Variants in HLCS observed in about 807,000 individuals in gnomAD.
The protein encoded by HLCS is holocarboxylase synthetase, also known as biotin--protein ligase.
Under a neutral mutation model 75.0 loss-of-function variants are expected in HLCS, and 53 were observed. That is an observed-to-expected ratio of 0.71 (90% CI 0.57 to 0.89). The LOEUF (loss-of-function observed/expected upper bound fraction) is 0.89, where lower values mean the gene tolerates loss of function less well. Ranked by LOEUF, HLCS falls within the 40% of genes least tolerant of loss-of-function variation. The pLI is 0.00. For missense variants in HLCS, 966 were observed against 1,074.0 expected, an observed-to-expected ratio of 0.90 and a Z score of 1.41; for synonymous variants, 431 against 428.6, an observed-to-expected ratio of 1.01 and a Z score of -0.07.
At chr21:36,917,577 C>T (rs367973997) in intron 5 of HLCS, among the ~76,000 whole-genome samples, 5 of 152,272 alleles carry the variant, frequency 3.3e-5, no homozygotes, top group East Asian at 1.9e-4. Flanking sequence ...CCAGTTCCTA[C>T]GTCATACCTG....
chr21:36,890,755 T>C (rs1472598269), intron 6 of HLCS, among the ~76,000 whole-genome samples: 1 of 152,194 alleles, frequency 6.6e-6, no homozygotes, highest in South Asian at 2.1e-4. Context: ...TCCTCCTAGA[T>C]GTGTAAACAC....
Position 36,936,936 on chromosome 21 carries a change from G to C in HLCS, c.950C>G (p.Ser317Cys), listed in dbSNP as rs752702810. 1.2e-5 allele frequency: 19 copies of C among 1,614,036 alleles called. No individual in the cohort carries two copies. The highest frequency in any genetic ancestry group is 2.7e-5 in the African/African-American group (2 of 74,924). Residue 317 changes from serine (S) to cysteine (C), a missense_variant, in exon 4 of 11, where the codon TCC becomes TGC. By Grantham distance (112) the Ser-to-Cys change is moderately radical. Transcript: ENST00000674895. ...CCGGCCGAGGGCTTCCTGGGAGTCG[G>C]AGCCCACATAGAGGAGGATGTTGGG... ...KAPNILLYVGSDSQEALGRFH... is the reference protein window; with the variant it reads ...KAPNILLYVGCDSQEALGRFH...
At chr21:36,765,237 A>G in intron 7 of HLCS, 65 bp from the exon 8 acceptor site, 3 of 1,448,450 alleles carry the variant, frequency 2.1e-6, no homozygotes, top group East Asian at 4.6e-5. Flanking sequence ...GACACACGTC[A>G]TGCCAGGGCC....
chr21:36,839,938 T>C (rs1195501241), intron 6 of HLCS, among the ~76,000 whole-genome samples: 1 of 152,250 alleles, frequency 6.6e-6, no homozygotes, highest in Non-Finnish European at 1.5e-5. Flanking sequence ...ATGTAGCTTA[T>C]AAATGGCCTA....
intron 4 of HLCS, among the ~76,000 whole-genome samples, chr21:36,931,774 T>C (rs1467136131): frequency 2.6e-5 from 4 of 151,550 alleles, no homozygotes; most frequent in Admixed American, 2.0e-4. Flanking sequence ...GAGAGAGAGT[T>C]TGCAGGAATT....
At chr21:36,798,087 G>C (rs902072817) in intron 6 of HLCS, among the ~76,000 whole-genome samples, 7 of 152,192 alleles carry the variant, frequency 4.6e-5, no homozygotes, top group African/African-American at 1.7e-4. Context: ...AAGCTACCTT[G>C]GCAAGGAACG....
intron 6 of HLCS, among the ~76,000 whole-genome samples, chr21:36,869,331 A>T (rs555203191): frequency 3.7e-4 from 56 of 152,084 alleles, no homozygotes; most frequent in African/African-American, 1.3e-3. Context: ...ACAGGGTTTC[A>T]CCGTGTTAGC....
At chr21:36,917,869 G>A (rs113818609) in intron 5 of HLCS, among the ~76,000 whole-genome samples, 2 of 151,648 alleles carry the variant, frequency 1.3e-5, no homozygotes, top group African/African-American at 4.9e-5. Flanking sequence ...GAGGTGACTG[G>A]GGAAGCTGCA....
chr21:36,965,458 G>A (rs193139685), intron 1 of HLCS, among the ~76,000 whole-genome samples: 25 of 152,208 alleles, frequency 1.6e-4, no homozygotes, highest in Admixed American at 3.9e-4. Flanking sequence ...CAAGGCAGCA[G>A]ACTTTTTACA....
chr21:36,938,231 A>T (rs2066982979), intron 3 of HLCS, among the ~76,000 whole-genome samples: 1 of 152,244 alleles, frequency 6.6e-6, no homozygotes, highest in South Asian at 2.1e-4. Flanking sequence ...CACTAGTTAT[A>T]CTGTATTAAA....
chr21:36,832,638 G>T (rs1422456010), intron 6 of HLCS, among the ~76,000 whole-genome samples: 1 of 152,202 alleles, frequency 6.6e-6, no homozygotes, highest in Non-Finnish European at 1.5e-5. Flanking sequence ...TAAGTGACTT[G>T]CCCAAAGTCA....
At chr21:36,987,307 TAACTC>T (rs1416240478) in intron 1 of HLCS, among the ~76,000 whole-genome samples, 3 of 152,188 alleles carry the variant, frequency 2.0e-5, no homozygotes, top group South Asian at 2.1e-4. Flanking sequence ...ATCTTAGAAA[TAACTC>T]AAGTCAAAAT....
In HLCS at chr21:36,978,997, C is replaced by T. The variant is rs189663711; in HGVS notation, c.-393+11161G>A. ...AAAAGAAAAAAAAATTGGCCAGGTG[C>T]GGTGGCTCACGCCTGTAATCCCAGC... On this transcript the variant is annotated intron_variant, in intron 1 of 11. Transcript: ENST00000336648. 1.4e-3 allele frequency among the ~76,000 whole-genome samples: 208 copies of T among 152,078 alleles called. 1 individual carries two copies. Among genetic ancestry groups the T allele is most frequent in the African/African-American group, 4.9e-3 (202 of 41,482 alleles).
chr21:36,839,675 A>G (rs1440965824), intron 6 of HLCS, among the ~76,000 whole-genome samples: 1 of 152,174 alleles, frequency 6.6e-6, no homozygotes. Flanking sequence ...CCAACAGTCA[A>G]AAAGTTCTTA....
intron 6 of HLCS, among the ~76,000 whole-genome samples, chr21:36,838,210 C>A (rs539104063): frequency 6.6e-6 from 1 of 152,142 alleles, no homozygotes; most frequent in African/African-American, 2.4e-5. Flanking sequence ...CACTTACATT[C>A]CCTTGCCCTC....
At chr21:36,873,117 T>G (rs2063828042) in intron 6 of HLCS, among the ~76,000 whole-genome samples, 1 of 151,634 alleles carries the variant, frequency 6.6e-6, no homozygotes, top group South Asian at 2.1e-4. Flanking sequence ...GCTGGCATTC[T>G]TCTTTTTTTT....
At chr21:36,849,184 A>G (rs908879481) in intron 6 of HLCS, among the ~76,000 whole-genome samples, 2 of 152,232 alleles carry the variant, frequency 1.3e-5, no homozygotes, top group Non-Finnish European at 1.5e-5. Context: ...GAAGTTTGTT[A>G]CATGCCTAGT....
upstream of HLCS, among the ~76,000 whole-genome samples, chr21:36,969,821 C>A (rs2068737669): frequency 6.6e-6 from 1 of 152,150 alleles, no homozygotes; most frequent in South Asian, 2.1e-4. Context: ...GATCGTCCCA[C>A]CTCAGCCTCC....
At chr21:36,795,284 C>T (rs959126197) in intron 6 of HLCS, among the ~76,000 whole-genome samples, 2 of 152,294 alleles carry the variant, frequency 1.3e-5, no homozygotes, top group East Asian at 1.9e-4. Flanking sequence ...TCGTCTTCTG[C>T]GAGGACACAT....
Sources: allele counts gnomAD v4.1 joint callset (sites outside exome capture counted in the v4.1 genomes callset), GRCh38; gene constraint gnomAD v4.1.1; transcripts MANE v1.5; gene names NCBI Gene and HGNC (gene_info 2026-07-23, HGNC 2026-07-21).